PRMT9: variants seen among roughly 807,000 people sequenced by gnomAD.
PRMT9 encodes the protein protein arginine N-methyltransferase 9.
Under a neutral mutation model 83.2 loss-of-function variants are expected in PRMT9, and 59 were observed. The ratio of observed to expected loss-of-function variants is 0.71; its 90% confidence interval spans 0.57 to 0.88. The LOEUF (loss-of-function observed/expected upper bound fraction) is 0.88. PRMT9 is among the 40% of genes least tolerant of loss of function. The pLI, the probability that PRMT9 is intolerant of heterozygous loss-of-function variation, is 0.00. For synonymous variants in PRMT9, 333 were observed against 353.2 expected (o/e 0.94, Z 0.64); for missense variants, 947 against 1,021.9 (o/e 0.93, Z 1.00).
chr4:147,682,403 T>C (rs1356940715), intron 1 of PRMT9, among the ~76,000 whole-genome samples: 3 of 152,176 alleles, frequency 2.0e-5, no homozygotes, highest in Admixed American at 6.5e-5. Context: ...CTCGAACTAC[T>C]GACCTCAGGT....
chr4:147,670,629 C>T lies in PRMT9; in HGVS notation c.846+12G>A, dbSNP rs191821016. On this transcript the variant is annotated intron_variant, in intron 5 of 11. Transcript: ENST00000322396. ...ATTCTTAATCAGTTGTAAGTATTTT[C>T]ATACTGCTTACCTTTGGCTGTAAAA... 26 of 1,526,870 alleles carry T rather than the reference C, an allele frequency of 1.7e-5. No homozygotes were observed. In the African/African-American group the frequency reaches 3.4e-4, roughly 20 times the overall value. The allele number at this position is 1,526,870 out of a possible 1,614,324, so 94.6% of individuals were successfully genotyped here. A position where few individuals can be genotyped will look rare whatever the true frequency, so the allele number is the denominator to read the frequency against.
Position 147,638,725 on chromosome 4 carries a change from C to G in PRMT9, c.2345G>C (p.Arg782Thr). Reference protein sequence around the residue: ...EVKVYVCKSGRLTAIPFWYHM... With the variant: ...EVKVYVCKSGTLTAIPFWYHM... Reference sequence around the variant, plus strand: ...ATACCAAAATGGAATAGCAGTCAGTCTTCCAGATTTACAAACGTATACCTA... The same window carrying G: ...ATACCAAAATGGAATAGCAGTCAGTGTTCCAGATTTACAAACGTATACCTA... Residue 782 changes from arginine to threonine, a missense_variant, in exon 12 of 12, where the codon AGA becomes ACA. By Grantham distance (71) the Arg-to-Thr change is moderately conservative. Coordinates refer to ENST00000322396, the MANE Select transcript of PRMT9 (RefSeq NM_138364.4). 2 of 1,612,478 alleles carry G rather than the reference C, an allele frequency of 1.2e-6. No individual in the cohort carries two copies. The highest frequency in any genetic ancestry group is 2.2e-5 in the East Asian group (1 of 44,804).
chr4:147,673,144 TCTC>T lies in PRMT9; in HGVS notation c.576-21_576-19del, dbSNP rs1434908642. On this transcript the variant is annotated intron_variant, in intron 3 of 11. Coordinates refer to ENST00000322396, the MANE Select transcript of PRMT9 (RefSeq NM_138364.4). The stretch of plus-strand genomic sequence containing the variant: ...CAAACATGCTACAAGGGAAAAAAGT[TCTC>T]CATCAAGAAAAAATAATCTACTGTA... 1.2e-6 allele frequency: 2 copies of T among 1,612,784 alleles called. No homozygotes were observed. Among genetic ancestry groups the T allele is most frequent in the South Asian group, 2.2e-5 (2 of 91,038 alleles).
chr4:147,660,647 AG>A (rs955088405), intron 7 of PRMT9, among the ~76,000 whole-genome samples, 198 bp downstream of exon 7: 1 of 152,158 alleles, frequency 6.6e-6, no homozygotes, highest in Non-Finnish European at 1.5e-5. Flanking sequence ...AAAGAAAGAA[AG>A]GAAAGAAAAG....
chr4:147,665,905 TG>T (rs1735298572), intron 6 of PRMT9, among the ~76,000 whole-genome samples: 1 of 152,218 alleles, frequency 6.6e-6, no homozygotes, highest in Admixed American at 6.5e-5. Context: ...AGTATTATAG[TG>T]AACATCCTTG....
intron 1 of PRMT9, 65 bp downstream of exon 1, chr4:147,683,734 T>A (rs1397699214): frequency 2.8e-6 from 2 of 708,176 alleles, no homozygotes; most frequent in African/African-American, 2.2e-5. Context: ...TTTTTTTTTC[T>A]GTTTTTTTTT....
At position 147,648,385 on chromosome 4, in the gene PRMT9, C is replaced by T. The variant is rs565976705; in HGVS notation, c.2046-5445G>A. ...ACCCAGAAAGACAAGGTTCAGAGAG[C>T]TTCCAGGTAGCTGAACACATGGAGG... On this transcript the variant is annotated intron_variant, in intron 9 of 11. Transcript: ENST00000322396. Among the ~76,000 whole-genome samples, 7 of 152,302 alleles carry T rather than the reference C, an allele frequency of 4.6e-5. No individual in the cohort carries two copies. The South Asian group carries it at 1.2e-3, about 27-fold the overall frequency.
At chr4:147,638,792 A>C in intron 11 of PRMT9, 45 bp from the exon 12 acceptor site, 1 of 1,451,944 alleles carries the variant, frequency 6.9e-7, no homozygotes, top group East Asian at 2.4e-5. Flanking sequence ...TGCATAGAGT[A>C]GACTTAGATA....
intron 9 of PRMT9, among the ~76,000 whole-genome samples, chr4:147,650,899 G>A (rs11934646): frequency 0.021 from 3,151 of 152,214 alleles, 102 homozygotes; most frequent in African/African-American, 0.07. Context: ...TCAGGAGATC[G>A]AGACCATCCT....
At position 147,654,550 on chromosome 4, in the gene PRMT9, A is replaced by G; in HGVS notation, c.1347T>C (p.Pro449=). 6.2e-7 allele frequency: 1 copy of G among 1,612,086 alleles called. No homozygotes were observed. The highest frequency in any genetic ancestry group is 8.5e-7 in the Non-Finnish European group (1 of 1,178,600). The part of the protein sequence containing the change: ...VQDLADYWIK[P]GDHVMMEVSC... ...ATACTTCCATCATCACATGGTCTCC[A>G]GGCTTTATCCAGTAGTCTTCATTAA... The change falls in exon 9 of 12, where the codon CCT becomes CCC. Residue 449 remains proline (P), a synonymous_variant. Transcript: ENST00000322396.
chr4:147,657,723 T>G, intron 8 of PRMT9, 69 bp downstream of exon 8: 1 of 1,208,602 alleles, frequency 8.3e-7, no homozygotes, highest in Non-Finnish European at 1.2e-6. Flanking sequence ...GTAATTTTTT[T>G]TTTGCCACTG....
At position 147,661,098 on chromosome 4, in the gene PRMT9, A is replaced by T. The variant is rs559170633; in HGVS notation, c.954-60T>A. 25 of 1,067,460 alleles carry T rather than the reference A, an allele frequency of 2.3e-5. No individual in the cohort carries two copies. In the East Asian group the frequency reaches 5.9e-4, roughly 25 times the overall value. 66.1% of individuals were successfully genotyped at this position (1,067,460 alleles called of 1,614,324 possible). ...ATGGATTTTTTTAGAATCAAGTAAC[A>T]TATCTAATACTGAGTCCAGAAAAAA... On this transcript the variant is annotated intron_variant, in intron 6 of 11. Coordinates refer to ENST00000322396, the MANE Select transcript of PRMT9 (RefSeq NM_138364.4).
chr4:147,650,444 ATACT>A (rs1161851992), intron 9 of PRMT9, among the ~76,000 whole-genome samples: 1 of 152,214 alleles, frequency 6.6e-6, no homozygotes, highest in Non-Finnish European at 1.5e-5. Flanking sequence ...AAAAAATAAA[ATACT>A]TAGGAATAAA....
intron 8 of PRMT9, among the ~76,000 whole-genome samples, chr4:147,656,628 T>C (rs1734505662): frequency 6.6e-6 from 1 of 151,410 alleles, no homozygotes; most frequent in Non-Finnish European, 1.5e-5. Context: ...AAAAATTAGC[T>C]GGGCGTGGTG....
chr4:147,664,774 G>A (rs901553247), intron 6 of PRMT9, among the ~76,000 whole-genome samples: 2 of 151,928 alleles, frequency 1.3e-5, no homozygotes, highest in African/African-American at 4.8e-5. Flanking sequence ...TGCATGTTCT[G>A]CACATGTATC....
rs1451717593 is a variant in PRMT9 at position 147,680,422 on chromosome 4, A to G, written c.239T>C (p.Leu80Pro). ...ACCAAGTAAGTCTTGTATCCGACTG[A>G]GAGCATCAAGCTCTTCAGCCCATCT... ...LFRWAEELDA[L>P]SRIQDLLGCY... Residue 80 changes from leucine to proline, a missense_variant, in exon 2 of 12, where the codon CTC becomes CCC. Transcript: ENST00000322396. The G allele has an allele frequency of 1.2e-6, 2 of 1,614,108 alleles. No individual in the cohort carries two copies. The highest frequency in any genetic ancestry group is 1.7e-6 in the Non-Finnish European group (2 of 1,179,940).
intron 6 of PRMT9, 195 bp from the exon 7 acceptor site, chr4:147,661,233 TATAATAAA>T: frequency 2.2e-6 from 1 of 461,458 alleles, no homozygotes; most frequent in South Asian, 4.9e-5. Context: ...TAAATAGGTC[TATAATAAA>T]ATTAAGAATG....
Position 147,684,106 on chromosome 4 carries a change from C to T in PRMT9, c.-119G>A. On this transcript the variant is annotated 5_prime_UTR_variant, in exon 1 of 12. Transcript: ENST00000322396. Reference sequence around the variant, plus strand: ...CTCAAAAAACAGCACAGCAAAGTTACCCTCCGCCGCGGGTGAACTCGCCAA... The same window carrying T: ...CTCAAAAAACAGCACAGCAAAGTTATCCTCCGCCGCGGGTGAACTCGCCAA... 9 of 1,188,238 alleles carry T rather than the reference C, an allele frequency of 7.6e-6. No homozygotes were observed. Among genetic ancestry groups the T allele is most frequent in the Non-Finnish European group, 1.1e-5 (9 of 831,576 alleles). The allele number at this position is 1,188,238 out of a possible 1,614,324, so 73.6% of individuals were successfully genotyped here.
chr4:147,677,496 C>T (rs112789826), intron 2 of PRMT9, among the ~76,000 whole-genome samples: 2 of 134,444 alleles, frequency 1.5e-5, no homozygotes, highest in African/African-American at 5.5e-5. Flanking sequence ...CTCTGTCACC[C>T]AGGCTGGAGT....
Sources: gnomAD v4.1 joint callset for allele counts (sites outside exome capture counted in the v4.1 genomes callset) on GRCh38, gnomAD v4.1.1 for gene constraint, MANE v1.5 for transcripts, NCBI Gene and HGNC (gene_info 2026-07-23, HGNC 2026-07-21) for gene names.